Variants in MIPOL1 observed in about 807,000 individuals in gnomAD.
The protein encoded by MIPOL1 is mirror-image polydactyly 1, also known as mirror-image polydactyly gene 1 protein.
A neutral mutation model predicts 60.9 loss-of-function variants in MIPOL1; 57 were observed. That is an observed-to-expected ratio of 0.94 (90% CI 0.76 to 1.17). MIPOL1 has a LOEUF of 1.17. Among genes scored for constraint, MIPOL1 ranks in the 50% most tolerant of loss-of-function variants. The probability of loss-of-function intolerance (pLI) is 0.00; values close to 1 mark genes in which losing one functional copy is unlikely to be tolerated. For missense variants in MIPOL1, 551 were observed against 511.6 expected (o/e 1.08, Z -0.74); for synonymous variants, 179 against 168.8 (o/e 1.06, Z -0.47).
intron 10 of MIPOL1, among the ~76,000 whole-genome samples, chr14:37,403,663 C>T (rs1364739468): frequency 5.1e-4 from 78 of 151,620 alleles, no homozygotes; most frequent in Admixed American, 4.7e-3. Context: ...TTCTGTTCAT[C>T]GTTTTTTATT....
chr14:37,398,545 C>T (rs1258478879), intron 10 of MIPOL1, among the ~76,000 whole-genome samples: 1 of 152,162 alleles, frequency 6.6e-6, no homozygotes, highest in Non-Finnish European at 1.5e-5. Context: ...TCTTCTCTGG[C>T]CATCAACAAT....
chr14:37,320,275 A>G (rs1025984031), intron 9 of MIPOL1, among the ~76,000 whole-genome samples: 1 of 152,146 alleles, frequency 6.6e-6, no homozygotes, highest in East Asian at 1.9e-4. Flanking sequence ...GCAGCAATGT[A>G]AGTGAGTTGT....
chr14:37,547,186 T>A lies in MIPOL1; in HGVS notation c.*215T>A, dbSNP rs186083447. 1.5e-4 allele frequency: 75 copies of A among 508,424 alleles called. No homozygotes were observed. Among genetic ancestry groups the A allele is most frequent in the African/African-American group, 1.3e-3 (68 of 51,094 alleles). The allele number at this position is 508,424 out of a possible 1,614,324, so 31.5% of individuals were successfully genotyped here. ...TATCCAAATATATTAACTATAGACT[T>A]TTACCAATGGGTAGCTATAAGGTTA... is the stretch of plus-strand genomic sequence containing the variant. On this transcript the variant is annotated 3_prime_UTR_variant, in exon 13 of 13. Transcript: ENST00000684589.
At chr14:37,349,772 C>T (rs914137366) in intron 9 of MIPOL1, among the ~76,000 whole-genome samples, 6 of 152,088 alleles carry the variant, frequency 3.9e-5, no homozygotes, top group Non-Finnish European at 7.4e-5. Flanking sequence ...TTTATTGTCT[C>T]TTTTCCCCAA....
intron 10 of MIPOL1, among the ~76,000 whole-genome samples, chr14:37,411,070 A>G (rs116754800): frequency 0.018 from 2,751 of 152,274 alleles, 29 homozygotes; most frequent in Middle Eastern, 0.041. Context: ...CAGGAGTCAC[A>G]TCTAAACCTA....
chr14:37,285,532 T>C (rs2084482447), intron 7 of MIPOL1, 85 bp downstream of exon 7: 1 of 1,367,464 alleles, frequency 7.3e-7, no homozygotes, highest in Non-Finnish European at 1.0e-6. Context: ...TTTAAAAATG[T>C]GACTTATGCT....
chr14:37,538,018 A>G (rs553722869), intron 12 of MIPOL1, among the ~76,000 whole-genome samples: 1 of 152,298 alleles, frequency 6.6e-6, no homozygotes, highest in South Asian at 2.1e-4. Context: ...AAATAGATAT[A>G]AGTGCTTCTG....
chr14:37,325,880 G>A (rs2051476694), intron 9 of MIPOL1, among the ~76,000 whole-genome samples: 1 of 152,194 alleles, frequency 6.6e-6, no homozygotes, highest in South Asian at 2.1e-4. Context: ...TGATTCAAAG[G>A]CATGAGGAAT....
intron 10 of MIPOL1, among the ~76,000 whole-genome samples, chr14:37,399,029 T>C (rs1226097103): frequency 2.0e-5 from 3 of 152,226 alleles, no homozygotes; most frequent in African/African-American, 7.2e-5. Flanking sequence ...CTTGATATAC[T>C]ATAGAAAGCA....
chr14:37,258,132 G>A (rs911607177), intron 3 of MIPOL1, among the ~76,000 whole-genome samples: 1 of 152,112 alleles, frequency 6.6e-6, no homozygotes, highest in African/African-American at 2.4e-5. Flanking sequence ...GTGTTTCAGT[G>A]ATTCCCGCTT....
At chr14:37,402,371 A>G (rs1158712153) in intron 10 of MIPOL1, among the ~76,000 whole-genome samples, 1 of 152,154 alleles carries the variant, frequency 6.6e-6, no homozygotes, top group Non-Finnish European at 1.5e-5. Flanking sequence ...GATCAGTACT[A>G]TAATAGATGT....
intron 9 of MIPOL1, among the ~76,000 whole-genome samples, chr14:37,365,546 C>T (rs909415448): frequency 5.3e-5 from 8 of 152,110 alleles, no homozygotes; most frequent in African/African-American, 1.7e-4. Context: ...CCTTGCATCC[C>T]AGGGATAAAT....
intron 9 of MIPOL1, among the ~76,000 whole-genome samples, chr14:37,355,562 G>C (rs1290520179): frequency 6.8e-6 from 1 of 147,326 alleles, no homozygotes; most frequent in East Asian, 2.0e-4. Flanking sequence ...CGTAGATTTG[G>C]TCTTTTCACA....
intron 3 of MIPOL1, among the ~76,000 whole-genome samples, chr14:37,266,380 C>T (rs1203067921): frequency 6.6e-6 from 1 of 152,142 alleles, no homozygotes; most frequent in Admixed American, 6.5e-5. Context: ...TGCTAGTTTT[C>T]TGTAATAGGC....
At chr14:37,294,011 C>T (rs1280954206) in intron 7 of MIPOL1, among the ~76,000 whole-genome samples, 1 of 152,218 alleles carries the variant, frequency 6.6e-6, no homozygotes, top group Non-Finnish European at 1.5e-5. Context: ...AGACTGCCTC[C>T]TCAAGTGGGT....
intron 3 of MIPOL1, 50 bp downstream of exon 3, chr14:37,247,957 C>CA (rs754158376): frequency 6.3e-7 from 1 of 1,591,734 alleles, no homozygotes; most frequent in Middle Eastern, 1.7e-4. Context: ...TGTTCTAGTT[C>CA]AAGGCACTGA....
chr14:37,444,611 A>G (rs976358468), intron 11 of MIPOL1, among the ~76,000 whole-genome samples: 35 of 152,208 alleles, frequency 2.3e-4, no homozygotes, highest in African/African-American at 8.4e-4. Context: ...CCTGATTTCA[A>G]GATATATTCT....
intron 7 of MIPOL1, among the ~76,000 whole-genome samples, chr14:37,289,381 C>T (rs973115872): frequency 6.6e-6 from 1 of 152,188 alleles, no homozygotes; most frequent in Admixed American, 6.5e-5. Context: ...GGCTCAGTCC[C>T]ACAAGACTGG....
At chr14:37,344,402 T>G (rs1166349834) in intron 9 of MIPOL1, among the ~76,000 whole-genome samples, 1 of 152,048 alleles carries the variant, frequency 6.6e-6, no homozygotes, top group African/African-American at 2.4e-5. Context: ...TTTAATATGT[T>G]CCTTTGTTTT....
Sources: allele counts gnomAD v4.1 joint callset (sites outside exome capture counted in the v4.1 genomes callset), GRCh38; gene constraint gnomAD v4.1.1; transcripts MANE v1.5; gene names NCBI Gene and HGNC (gene_info 2026-07-23, HGNC 2026-07-21).